Variants in CAGE1 observed in about 807,000 individuals in gnomAD.
CAGE1 encodes cancer antigen 1.
A neutral mutation model predicts 94.9 loss-of-function variants in CAGE1; 66 were observed. The observed-to-expected ratio is 0.70, with a 90% confidence interval of 0.57 to 0.85. The LOEUF is 0.85. Among genes scored for constraint, CAGE1 ranks in the 40% least tolerant of loss-of-function variants. The probability of loss-of-function intolerance (pLI) is 0.00; values close to 1 mark genes in which losing one functional copy is unlikely to be tolerated. For synonymous variants in CAGE1, 319 were observed against 321.0 expected, an observed-to-expected ratio of 0.99 and a Z score of 0.07; for missense variants, 865 against 950.4, an observed-to-expected ratio of 0.91 and a Z score of 1.18.
At chr6:7,368,565 T>A (rs1361444255) in intron 7 of CAGE1, 123 bp downstream of exon 7, 1 of 542,608 alleles carries the variant, frequency 1.8e-6, no homozygotes, top group Non-Finnish European at 3.2e-6. Context: ...ACAGTAAAAC[T>A]AATCTGGTCC....
At chr6:7,345,152 C>G (rs1045195125) in intron 11 of CAGE1, among the ~76,000 whole-genome samples, 1 of 79,860 alleles carries the variant, frequency 1.3e-5, no homozygotes, top group Non-Finnish European at 2.5e-5. Flanking sequence ...GAGCTAGGTC[C>G]ATATTGCTTT....
intron 3 of CAGE1, 62 bp downstream of exon 3, chr6:7,385,723 C>T: frequency 1.1e-6 from 1 of 935,652 alleles, no homozygotes; most frequent in Non-Finnish European, 1.6e-6. Flanking sequence ...GCTATTGTTA[C>T]TATCACGGAA....
At position 7,362,408 on chromosome 6, in the gene CAGE1, G is replaced by A. The variant is rs1275056892; in HGVS notation, c.2193+3060C>T. On this transcript the variant is annotated intron_variant, in intron 9 of 13. Transcript: ENST00000502583. The surrounding 1 kb of genome is among the most constrained non-coding windows in gnomAD (Gnocchi z 4.1). The stretch of plus-strand genomic sequence containing the variant: ...CCTTGTTCCCAGTGGTCAAATCCCT[G>A]ACTGTATCAGTGTCTTCCTGGACCA... Among the ~76,000 whole-genome samples the A allele has an allele frequency of 6.6e-6, 1 of 152,184 alleles. No homozygotes were observed. Among genetic ancestry groups the A allele is most frequent in the African/African-American group, 2.4e-5 (1 of 41,434 alleles).
intron 3 of CAGE1, among the ~76,000 whole-genome samples, chr6:7,384,045 G>A (rs1193056418): frequency 6.6e-6 from 1 of 152,022 alleles, no homozygotes; most frequent in Non-Finnish European, 1.5e-5. Context: ...ACTTTTCTAT[G>A]TAGAAAAGTA....
At chr6:7,336,405 G>T (rs370761082) in intron 11 of CAGE1, among the ~76,000 whole-genome samples, 5 of 152,198 alleles carry the variant, frequency 3.3e-5, no homozygotes, top group Non-Finnish European at 7.3e-5. Context: ...CATGTCCTCC[G>T]TAGAGGCCAT....
At chr6:7,328,923 TA>T (rs1380642239) in intron 13 of CAGE1, among the ~76,000 whole-genome samples, 6 of 67,528 alleles carry the variant, frequency 8.9e-5, no homozygotes, top group Admixed American at 5.3e-4. Context: ...TGTGTGTATA[TA>T]TATATATATA....
intron 11 of CAGE1, chr6:7,347,515 T>TGGGGGGGGGGGGG (rs1561853738): frequency 1.3e-4 from 2 of 15,350 alleles, no homozygotes; most frequent in Non-Finnish European, 1.2e-4. Context: ...GGGGGGGGGG[T>TGGGGGGGGGGGGG]TGGGGGGGGC....
chr6:7,379,267 A>C (rs1433955745), intron 3 of CAGE1, among the ~76,000 whole-genome samples: 2 of 152,256 alleles, frequency 1.3e-5, no homozygotes, highest in Non-Finnish European at 2.9e-5. Flanking sequence ...TTCTGGTCAA[A>C]TAAAATTACA....
At chr6:7,369,035 G>A (rs1216304335) in intron 6 of CAGE1, among the ~76,000 whole-genome samples, 1 of 145,874 alleles carries the variant, frequency 6.9e-6, no homozygotes, top group Non-Finnish European at 1.5e-5. Flanking sequence ...TTGAGATAGA[G>A]TTTTGCTCTT....
chr6:7,389,616 G>A lies in CAGE1; in HGVS notation c.-438C>T, dbSNP rs1357722445. 1 of 352,446 alleles carries A rather than the reference G, an allele frequency of 2.8e-6. No homozygotes were observed. The highest frequency in any genetic ancestry group is 5.5e-6 in the Non-Finnish European group (1 of 180,778). 21.8% of individuals were successfully genotyped at this position (352,446 alleles called of 1,614,324 possible). On this transcript the variant is annotated 5_prime_UTR_variant, in exon 1 of 14. Coordinates refer to ENST00000502583, the MANE Select transcript of CAGE1 (RefSeq NM_001170692.2). ...CTCCTGCCGCAGTAAACACAAAGTG[G>A]GGTACAGAAACGAAAACTCCGGGAA...
At chr6:7,347,508 G>GA (rs1759596375) in intron 11 of CAGE1, 1 of 133,550 alleles carries the variant, frequency 7.5e-6, no homozygotes, top group African/African-American at 2.8e-5. Context: ...GAGGGTGGGG[G>GA]GGGGGGTTGG....
At position 7,339,260 on chromosome 6, in the gene CAGE1, C is replaced by A; in HGVS notation, c.2370-5170G>T. 1 of 1,585,060 alleles carries A rather than the reference C, an allele frequency of 6.3e-7. No homozygotes were observed. The highest frequency in any genetic ancestry group is 8.7e-7 in the Non-Finnish European group (1 of 1,154,750). On this transcript the variant is annotated intron_variant, in intron 11 of 13. Coordinates refer to ENST00000502583, the MANE Select transcript of CAGE1 (RefSeq NM_001170692.2). This position sits in a 1 kb window ranked among gnomAD's most constrained non-coding sequence, Gnocchi z 4.7. The stretch of plus-strand genomic sequence containing the variant: ...CTCCTAGGAGTTTGTAAGGCAGAGA[C>A]TCTGCCTGGGCAATGGCACACAGAC...
intron 11 of CAGE1, among the ~76,000 whole-genome samples, chr6:7,345,566 T>G (rs150329890): frequency 1.6e-3 from 244 of 152,304 alleles, no homozygotes; most frequent in Middle Eastern, 0.014. Flanking sequence ...TTTCAGCCTT[T>G]TAGAAAAACA....
chr6:7,330,388 A>C (rs1561844805), intron 12 of CAGE1, among the ~76,000 whole-genome samples: 1 of 152,200 alleles, frequency 6.6e-6, no homozygotes, highest in Non-Finnish European at 1.5e-5. Context: ...CTTCATCTCA[A>C]ATAAAAAAAT....
intron 4 of CAGE1, among the ~76,000 whole-genome samples, chr6:7,376,338 A>C (rs1270445404): frequency 6.6e-6 from 1 of 151,966 alleles, no homozygotes; most frequent in Non-Finnish European, 1.5e-5. Flanking sequence ...GCAGTGAGCC[A>C]AGATGGTGCC....
Position 7,389,248 on chromosome 6 carries a change from A to C in CAGE1, c.-70T>G, listed in dbSNP as rs1378718345. The C allele has an allele frequency of 2.2e-6, 1 of 456,146 alleles. No individual in the cohort carries two copies. The highest frequency in any genetic ancestry group is 2.0e-5 in the African/African-American group (1 of 50,084). The allele number at this position is 456,146 out of a possible 1,614,324, so 28.3% of individuals were successfully genotyped here. On this transcript the variant is annotated 5_prime_UTR_variant, in exon 1 of 14. Transcript: ENST00000502583. ...CATTCATTTTTCACCTCAAAACGAG[A>C]CACCAAACTTTTTAAGACACAAAAG...
At chr6:7,329,645 G>C (rs1472969302) in intron 13 of CAGE1, among the ~76,000 whole-genome samples, 1 of 152,120 alleles carries the variant, frequency 6.6e-6, no homozygotes, top group African/African-American at 2.4e-5. Flanking sequence ...TGGTGTGAAG[G>C]AGCCCTACAA....
intron 2 of CAGE1, 94 bp from the exon 3 acceptor site, chr6:7,385,966 A>G: frequency 1.6e-6 from 1 of 621,780 alleles, no homozygotes; most frequent in Non-Finnish European, 2.6e-6. Context: ...TGCTATTAGA[A>G]TATTTCATTA....
At chr6:7,352,290 C>CAAAAAAAAAAAAAA (rs77426667) in intron 11 of CAGE1, among the ~76,000 whole-genome samples, 19 of 43,502 alleles carry the variant, frequency 4.4e-4, no homozygotes, top group African/African-American at 6.5e-4. Context: ...ACAATAGCTG[C>CAAAAAAAAAAAAAA]AAAAAAAAAA....
Sources: gnomAD v4.1 joint callset for allele counts (sites outside exome capture counted in the v4.1 genomes callset) on GRCh38, gnomAD v4.1.1 for gene constraint, Gnocchi (gnomAD v3.1) non-coding constraint, MANE v1.5 for transcripts, NCBI Gene and HGNC (gene_info 2026-07-23, HGNC 2026-07-21) for gene names.